The following TOM1L2 variants were observed in gnomAD, a reference collection of about 807,000 sequenced individuals.
The protein encoded by TOM1L2 is target of myb1 like 2 membrane trafficking protein.
A neutral mutation model predicts 67.9 loss-of-function variants in TOM1L2; 31 were observed. That is an observed-to-expected ratio of 0.46 (90% CI 0.34 to 0.62). The LOEUF (loss-of-function observed/expected upper bound fraction) is 0.62, where lower values mean the gene tolerates loss of function less well. Ranked by LOEUF, TOM1L2 falls within the 20% of genes least tolerant of loss-of-function variation. The pLI is 0.01. For missense variants in TOM1L2, 606 were observed against 663.5 expected (o/e 0.91, Z 0.95); for synonymous variants, 256 against 254.0 (o/e 1.01, Z -0.07).
chr17:17,856,275 C>T (rs944479023), intron 12 of TOM1L2, among the ~76,000 whole-genome samples: 4 of 152,262 alleles, frequency 2.6e-5, no homozygotes, highest in African/African-American at 9.6e-5. Context: ...CCAGCCTGTC[C>T]CTGAAGAAGC....
At chr17:17,949,865 T>A (rs557736633) in intron 1 of TOM1L2, among the ~76,000 whole-genome samples, 51 of 152,220 alleles carry the variant, frequency 3.4e-4, no homozygotes, top group African/African-American at 1.1e-3. Flanking sequence ...TTTTATTTTT[T>A]AAATTTTATT....
At chr17:17,848,079 G>T (rs1359732095) in intron 14 of TOM1L2, among the ~76,000 whole-genome samples, 1 of 152,002 alleles carries the variant, frequency 6.6e-6, no homozygotes, top group Non-Finnish European at 1.5e-5. Context: ...CAGCACTGGG[G>T]GTGGGGCAGG....
At chr17:17,907,228 A>T (rs967200146) in intron 2 of TOM1L2, among the ~76,000 whole-genome samples, 3 of 152,240 alleles carry the variant, frequency 2.0e-5, no homozygotes, top group Non-Finnish European at 4.4e-5. Context: ...TGATTAAAGG[A>T]GGTCATCCCT....
At chr17:17,889,102 C>T (rs1375908883) in intron 4 of TOM1L2, among the ~76,000 whole-genome samples, 1 of 152,198 alleles carries the variant, frequency 6.6e-6, no homozygotes, top group Non-Finnish European at 1.5e-5. Context: ...CGACTGAGCC[C>T]TCGCACATGT....
In TOM1L2 at chr17:17,938,053, A is replaced by T. The variant is rs1359716832; in HGVS notation, c.53-30522T>A. On this transcript the variant is annotated intron_variant, in intron 1 of 14. Transcript: ENST00000379504. ...TCTGCTTTGGAGGGCTCTCTCCAGA[A>T]CACAATGCCACCAAGAGCAGAGACC... 3.3e-5 allele frequency among the ~76,000 whole-genome samples: 5 copies of T among 152,210 alleles called. No homozygotes were observed. In the East Asian group the frequency reaches 9.6e-4, roughly 29 times the overall value.
chr17:17,888,321 C>A (rs893346169), intron 4 of TOM1L2, among the ~76,000 whole-genome samples: 2 of 152,144 alleles, frequency 1.3e-5, no homozygotes, highest in South Asian at 2.1e-4. Context: ...TCCTTTGGAC[C>A]GTATACAAAA....
At chr17:17,850,544 C>T (rs201125880) in intron 13 of TOM1L2, among the ~76,000 whole-genome samples, 1 of 152,140 alleles carries the variant, frequency 6.6e-6, no homozygotes, top group East Asian at 1.9e-4. Flanking sequence ...CACTCCCTCC[C>T]CCAAAAAACC....
chr17:17,962,960 CAA>C lies in TOM1L2; in HGVS notation c.52+9300_52+9301del, dbSNP rs548910167. Among the ~76,000 whole-genome samples the C allele has an allele frequency of 5.1e-5, 5 of 97,470 alleles. No homozygotes were observed. In the East Asian group the frequency reaches 9.2e-4, roughly 18 times the overall value. 63.9% of individuals were successfully genotyped at this position (97,470 alleles called of 152,430 possible). A position where few individuals can be genotyped will look rare whatever the true frequency, so the allele number is the denominator to read the frequency against. On this transcript the variant is annotated intron_variant, in intron 1 of 14. Transcript: ENST00000379504. ...TGGGCAACAGAGTGAGACTCCGTCT[CAA>C]AAAAAAAAAAAATGTAAATTTTGTT...
At chr17:17,897,382 G>A (rs539768958) in intron 3 of TOM1L2, among the ~76,000 whole-genome samples, 2 of 152,086 alleles carry the variant, frequency 1.3e-5, no homozygotes, top group Admixed American at 1.3e-4. Context: ...TTGGGGTTTC[G>A]CTTGGGCAAA....
At chr17:17,900,170 G>A (rs1346902811) in intron 2 of TOM1L2, among the ~76,000 whole-genome samples, 4 of 152,030 alleles carry the variant, frequency 2.6e-5, no homozygotes, top group South Asian at 2.1e-4. Context: ...CTGAGATCAC[G>A]CCATTGTACT....
intron 11 of TOM1L2, 40 bp downstream of exon 11, chr17:17,862,691 C>T (rs1421173428): frequency 6.5e-7 from 1 of 1,538,810 alleles, no homozygotes; most frequent in South Asian, 1.1e-5. Context: ...GTCAATCCCC[C>T]CAATATCTTT....
chr17:17,860,708 CA>C (rs1323925804), intron 12 of TOM1L2, among the ~76,000 whole-genome samples: 1 of 152,214 alleles, frequency 6.6e-6, no homozygotes, highest in Non-Finnish European at 1.5e-5. Context: ...CCCCTGCAAA[CA>C]GACGTGCATT....
intron 2 of TOM1L2, among the ~76,000 whole-genome samples, chr17:17,899,500 C>G (rs1474238682): frequency 1.3e-5 from 2 of 152,236 alleles, no homozygotes; most frequent in Non-Finnish European, 2.9e-5. Context: ...TCCTTAATTA[C>G]TCTTATACCT....
chr17:17,904,296 C>T (rs1248623722), intron 2 of TOM1L2, among the ~76,000 whole-genome samples: 1 of 152,214 alleles, frequency 6.6e-6, no homozygotes, highest in South Asian at 2.1e-4. Context: ...AAAAAGAAGG[C>T]ATTGGCCCCT....
chr17:17,863,220 G>T, intron 10 of TOM1L2: 1 of 193,160 alleles, frequency 5.2e-6, no homozygotes. Flanking sequence ...TATTTATTCA[G>T]CAAATATTTC....
chr17:17,919,941 G>T (rs777875540), intron 1 of TOM1L2, among the ~76,000 whole-genome samples: 2 of 152,186 alleles, frequency 1.3e-5, no homozygotes, highest in Non-Finnish European at 2.9e-5. Flanking sequence ...ACAGTGTGCA[G>T]AGAGGAGGTA....
In TOM1L2 at chr17:17,866,861, T is replaced by C; in HGVS notation, c.960+15A>G. 6.2e-7 allele frequency: 1 copy of C among 1,613,542 alleles called. No homozygotes were observed. Among genetic ancestry groups the C allele is most frequent in the Non-Finnish European group, 8.5e-7 (1 of 1,179,460 alleles). ...CTGGCCTCAGGAGATGACAGGATTC[T>C]GAAGGAATACTTACTCCATTACTGG... On this transcript the variant is annotated intron_variant, in intron 9 of 14. Coordinates refer to ENST00000379504, the MANE Select transcript of TOM1L2 (RefSeq NM_001082968.2).
intron 1 of TOM1L2, among the ~76,000 whole-genome samples, chr17:17,956,444 C>T (rs1233465321): frequency 6.6e-6 from 1 of 152,240 alleles, no homozygotes; most frequent in Non-Finnish European, 1.5e-5. Context: ...CCCAGTGGAT[C>T]CCACACCTGG....
intron 3 of TOM1L2, among the ~76,000 whole-genome samples, chr17:17,894,260 G>A (rs2038445292): frequency 6.6e-6 from 1 of 152,130 alleles, no homozygotes; most frequent in South Asian, 2.1e-4. Context: ...GCCCTTATAT[G>A]TGAGAAAGCA....
Sources: gnomAD v4.1 joint callset for allele counts (sites outside exome capture counted in the v4.1 genomes callset) on GRCh38, gnomAD v4.1.1 for gene constraint, MANE v1.5 for transcripts, NCBI Gene and HGNC (gene_info 2026-07-23, HGNC 2026-07-21) for gene names.